Variants in SSPN observed in about 807,000 individuals in gnomAD.
SSPN encodes the protein K-ras oncogene-associated protein.
A neutral mutation model predicts 19.1 loss-of-function variants in SSPN; 15 were observed. The ratio of observed to expected loss-of-function variants is 0.78; its 90% CI spans 0.52 to 1.21. SSPN has a LOEUF of 1.21. Among genes scored for constraint, SSPN ranks in the 50% most tolerant of loss-of-function variants. The pLI is 0.00. For missense variants in SSPN, 291 were observed against 314.0 expected (o/e 0.93, Z 0.55); for synonymous variants, 147 against 140.3 (o/e 1.05, Z -0.34).
At chr12:26,174,488 C>CTTCT in intron 1 of SSPN, among the ~76,000 whole-genome samples, 1 of 118,938 alleles carries the variant, frequency 8.4e-6, no homozygotes, top group African/African-American at 4.1e-5. Flanking sequence ...TCCTTCCTTC[C>CTTCT]TTCCTTCCTT....
At chr12:26,150,187 G>C (rs1187628624) in intron 1 of SSPN, among the ~76,000 whole-genome samples, 1 of 152,208 alleles carries the variant, frequency 6.6e-6, no homozygotes, top group Non-Finnish European at 1.5e-5. Context: ...TTTGGAGAAA[G>C]CAGAAATGGG....
intron 1 of SSPN, among the ~76,000 whole-genome samples, chr12:26,216,623 G>A (rs2137493359): frequency 1.2e-5 from 1 of 85,314 alleles, no homozygotes; most frequent in South Asian, 4.9e-4. Flanking sequence ...CATTGCTTTT[G>A]GTGTTTTAGA....
intron 1 of SSPN, chr12:26,123,616 C>T (rs762215751): frequency 6.3e-7 from 1 of 1,597,366 alleles, no homozygotes; most frequent in Non-Finnish European, 8.6e-7. Context: ...GCTGGCCTCC[C>T]TGAACTGACT....
At chr12:26,165,914 C>T (rs1944617891) in intron 1 of SSPN, among the ~76,000 whole-genome samples, 1 of 152,140 alleles carries the variant, frequency 6.6e-6, no homozygotes, top group South Asian at 2.1e-4. Flanking sequence ...CTGGAGAGCC[C>T]CTTCTGAACA....
Position 26,233,736 on chromosome 12 carries a change from T to G in SSPN, c.*2660T>G, listed in dbSNP as rs1945259374. The stretch of plus-strand genomic sequence containing the variant: ...CTAAACCACGAAAGAGTAAGATTTG[T>G]GCAACCCTCCTCCTCTTCCACCTCC... On this transcript the variant is annotated 3_prime_UTR_variant, in exon 3 of 3. Transcript: ENST00000242729. The surrounding 1 kb of genome is among the most constrained non-coding windows in gnomAD (Gnocchi z 4.3). 1 of 152,226 alleles carries G rather than the reference T, an allele frequency of 6.6e-6. No homozygotes were observed. The highest frequency in any genetic ancestry group is 1.5e-5 in the Non-Finnish European group (1 of 68,034). 9.4% of individuals were successfully genotyped at this position (152,226 alleles called of 1,614,324 possible).
In SSPN at chr12:26,166,581, T is replaced by C. The variant is rs537648049; in HGVS notation, c.-31+44429T>C. 3.3e-5 allele frequency among the ~76,000 whole-genome samples: 5 copies of C among 152,378 alleles called. No homozygotes were observed. In the South Asian group the frequency reaches 1.0e-3, roughly 32 times the overall value. ...ATCTCTAAGAGTGGTTTTTACGTTT[T>C]TAAATGGTTGAAATAAAATGAAAAC... On this transcript the variant is annotated intron_variant, in intron 1 of 2. Coordinates refer to the SSPN transcript ENST00000538142.
chr12:26,167,762 T>G (rs1944630059), intron 1 of SSPN, among the ~76,000 whole-genome samples: 1 of 152,182 alleles, frequency 6.6e-6, no homozygotes, highest in African/African-American at 2.4e-5. Flanking sequence ...TGAAGTAGAA[T>G]TGGTTCTAGA....
intron 1 of SSPN, among the ~76,000 whole-genome samples, chr12:26,172,802 G>A (rs933080017): frequency 6.1e-5 from 9 of 148,544 alleles, no homozygotes; most frequent in Non-Finnish European, 8.9e-5. Context: ...TTGCTCTGTC[G>A]CCAGGCTGGA....
intron 1 of SSPN, among the ~76,000 whole-genome samples, chr12:26,217,802 C>T (rs983801328): frequency 3.3e-5 from 5 of 151,708 alleles, no homozygotes; most frequent in African/African-American, 1.2e-4. Context: ...TTGAATTTTG[C>T]CAAAGGCTTT....
chr12:26,145,425 C>A (rs1944484226), intron 1 of SSPN, among the ~76,000 whole-genome samples: 1 of 152,124 alleles, frequency 6.6e-6, no homozygotes, highest in Non-Finnish European at 1.5e-5. Context: ...ATGGGCCCAC[C>A]CTTATGGTTG....
intron 1 of SSPN, among the ~76,000 whole-genome samples, chr12:26,132,607 T>C (rs1436187775): frequency 1.3e-5 from 2 of 152,188 alleles, no homozygotes; most frequent in Non-Finnish European, 2.9e-5. Flanking sequence ...TCCTGAGCCA[T>C]CTAGGCCTTC....
intron 1 of SSPN, among the ~76,000 whole-genome samples, chr12:26,134,475 T>C (rs1362154241): frequency 6.6e-6 from 1 of 152,236 alleles, no homozygotes; most frequent in Admixed American, 6.5e-5. Context: ...GTAAGCTCCA[T>C]GAAGACAGAC....
At chr12:26,227,461 G>A (rs1180708164) in intron 2 of SSPN, among the ~76,000 whole-genome samples, 2 of 152,094 alleles carry the variant, frequency 1.3e-5, no homozygotes, top group Non-Finnish European at 2.9e-5. Flanking sequence ...TTCTCTTTGG[G>A]TTCTAGCATA....
At chr12:26,137,632 GTA>G (rs1565669413) in intron 1 of SSPN, among the ~76,000 whole-genome samples, 2 of 43,236 alleles carry the variant, frequency 4.6e-5, no homozygotes, top group African/African-American at 1.9e-4. Context: ...GTGTGTGTGT[GTA>G]TGTATATATA....
intron 1 of SSPN, among the ~76,000 whole-genome samples, chr12:26,212,636 T>C (rs1333971171): frequency 6.6e-6 from 1 of 151,918 alleles, no homozygotes; most frequent in Non-Finnish European, 1.5e-5. Flanking sequence ...ATCGGCAACT[T>C]TTACTCTAAT....
chr12:26,158,291 C>T (rs905880054), intron 1 of SSPN, among the ~76,000 whole-genome samples: 8 of 150,962 alleles, frequency 5.3e-5, no homozygotes, highest in African/African-American at 1.7e-4. Context: ...CTCTGTCTTC[C>T]TTTCCTCCTC....
chr12:26,216,191 C>T (rs546350173), intron 1 of SSPN, among the ~76,000 whole-genome samples: 2 of 152,256 alleles, frequency 1.3e-5, no homozygotes, highest in Admixed American at 6.5e-5. Context: ...CTAACCATTT[C>T]GATAAACCCT....
intron 1 of SSPN, among the ~76,000 whole-genome samples, chr12:26,196,174 C>T (rs976314304): frequency 1.3e-5 from 2 of 152,226 alleles, no homozygotes; most frequent in Non-Finnish European, 2.9e-5. Flanking sequence ...GCTCCCAGCG[C>T]CTCCACGGGG....
At chr12:26,171,076 C>T (rs1410785389) in intron 1 of SSPN, among the ~76,000 whole-genome samples, 2 of 152,128 alleles carry the variant, frequency 1.3e-5, no homozygotes, top group African/African-American at 4.8e-5. Context: ...TTCCCTTTAA[C>T]AGGGTTCTTT....
Sources: gnomAD v4.1 joint callset for allele counts (sites outside exome capture counted in the v4.1 genomes callset) on GRCh38, gnomAD v4.1.1 for gene constraint, Gnocchi (gnomAD v3.1) non-coding constraint, MANE v1.5 for transcripts, NCBI Gene and HGNC (gene_info 2026-07-23, HGNC 2026-07-21) for gene names.